Variants in RBFOX1 observed in about 807,000 individuals in gnomAD.
The protein encoded by RBFOX1 is RNA binding protein fox-1 homolog 1.
A neutral mutation model predicts 57.7 loss-of-function variants in RBFOX1; 8 were observed. The observed-to-expected ratio is 0.14, with a 90% CI of 0.08 to 0.25. The LOEUF (loss-of-function observed/expected upper bound fraction) is 0.25. Among genes scored for constraint, RBFOX1 ranks in the 10% least tolerant of loss-of-function variants. RBFOX1 has a pLI of 1.00. For synonymous variants in RBFOX1, 326 were observed against 222.4 expected (o/e 1.47, Z -4.15); for missense variants, 611 against 548.5 (o/e 1.11, Z -1.14).
At chr16:6,698,900 C>G (rs1482400523) in intron 3 of RBFOX1, among the ~76,000 whole-genome samples, 3 of 152,120 alleles carry the variant, frequency 2.0e-5, no homozygotes, top group Non-Finnish European at 4.4e-5. Flanking sequence ...TATTTTCCCC[C>G]TTATTCATAA....
chr16:7,055,247 C>A (rs1215496516), intron 4 of RBFOX1, among the ~76,000 whole-genome samples: 1 of 152,082 alleles, frequency 6.6e-6, no homozygotes, highest in Non-Finnish European at 1.5e-5. Flanking sequence ...GCTGACTACG[C>A]AACACTTTTG....
At chr16:6,251,071 C>G (rs1465615853) in intron 1 of RBFOX1, among the ~76,000 whole-genome samples, 1 of 152,132 alleles carries the variant, frequency 6.6e-6, no homozygotes, top group Non-Finnish European at 1.5e-5. Flanking sequence ...AGCAGTACCA[C>G]TTAATGAGAG....
intron 3 of RBFOX1, among the ~76,000 whole-genome samples, chr16:5,605,390 G>A (rs2047535934): frequency 6.6e-6 from 1 of 152,222 alleles, no homozygotes; most frequent in African/African-American, 2.4e-5. Flanking sequence ...GATGGGAGTG[G>A]AGGTTAGACC....
At chr16:7,384,091 C>T (rs545189144) in intron 4 of RBFOX1, among the ~76,000 whole-genome samples, 3 of 150,722 alleles carry the variant, frequency 2.0e-5, no homozygotes, top group East Asian at 2.0e-4. Context: ...TGAGAAACAT[C>T]AGTATAAATA....
chr16:7,216,506 C>T (rs1481133157), intron 4 of RBFOX1, among the ~76,000 whole-genome samples: 7 of 151,992 alleles, frequency 4.6e-5, no homozygotes, highest in Admixed American at 3.9e-4. Context: ...TTTTAAATAG[C>T]GTCTACTTCA....
chr16:6,675,309 T>TAG (rs2057445482), intron 3 of RBFOX1, among the ~76,000 whole-genome samples: 1 of 152,176 alleles, frequency 6.6e-6, no homozygotes, highest in Admixed American at 6.5e-5. Flanking sequence ...TGGCTTTAGG[T>TAG]ATGCCTAAAT....
intron 4 of RBFOX1, among the ~76,000 whole-genome samples, chr16:7,115,245 A>T (rs1372328597): frequency 6.6e-6 from 1 of 152,146 alleles, no homozygotes; most frequent in Non-Finnish European, 1.5e-5. Flanking sequence ...CATGTCAATG[A>T]ATCTTGATGG....
intron 3 of RBFOX1, among the ~76,000 whole-genome samples, chr16:6,745,308 A>G (rs2073313822): frequency 6.6e-6 from 1 of 152,124 alleles, no homozygotes; most frequent in Admixed American, 6.5e-5. Flanking sequence ...TGAGGCAACG[A>G]TTACTGTAAT....
intron 3 of RBFOX1, among the ~76,000 whole-genome samples, chr16:7,024,475 C>T (rs2040285498): frequency 6.6e-6 from 1 of 152,176 alleles, no homozygotes; most frequent in South Asian, 2.1e-4. Flanking sequence ...GCTTCTCTCT[C>T]ATGCACTTCT....
At chr16:5,741,955 G>A (rs1188427858) in intron 3 of RBFOX1, among the ~76,000 whole-genome samples, 3 of 152,192 alleles carry the variant, frequency 2.0e-5, no homozygotes, top group Non-Finnish European at 4.4e-5. Context: ...TCATGATAAT[G>A]CTATCATTGA....
At chr16:6,781,756 A>G (rs138065182) in intron 3 of RBFOX1, among the ~76,000 whole-genome samples, 4 of 152,180 alleles carry the variant, frequency 2.6e-5, no homozygotes, top group East Asian at 3.9e-4. Context: ...TTTCTGTGGT[A>G]TCTGTTTTAA....
intron 2 of RBFOX1, among the ~76,000 whole-genome samples, chr16:6,548,627 A>G (rs1412597024): frequency 6.6e-6 from 1 of 152,218 alleles, no homozygotes; most frequent in African/African-American, 2.4e-5. Flanking sequence ...GGAAAAAAGA[A>G]TTAAATTATA....
At chr16:5,473,868 G>A (rs2069226060) in intron 2 of RBFOX1, among the ~76,000 whole-genome samples, 1 of 135,294 alleles carries the variant, frequency 7.4e-6, no homozygotes, top group South Asian at 2.6e-4. Flanking sequence ...TAGATGGATG[G>A]AAAGACAGAT....
intron 2 of RBFOX1, among the ~76,000 whole-genome samples, chr16:6,570,552 C>G (rs2097331253): frequency 6.6e-6 from 1 of 151,904 alleles, no homozygotes; most frequent in Admixed American, 6.6e-5. Context: ...TACATGTATG[C>G]TTAATTGGAA....
At chr16:6,537,478 G>T (rs2096751169) in intron 2 of RBFOX1, among the ~76,000 whole-genome samples, 1 of 152,152 alleles carries the variant, frequency 6.6e-6, no homozygotes, top group Non-Finnish European at 1.5e-5. Context: ...TTATCTCCAT[G>T]ACAGAGTTGA....
chr16:7,402,391 A>G (rs1022470064), intron 4 of RBFOX1, among the ~76,000 whole-genome samples: 4 of 152,238 alleles, frequency 2.6e-5, no homozygotes, highest in African/African-American at 9.6e-5. Flanking sequence ...TTGTACTTCT[A>G]TACAAAGGAA....
Position 6,052,271 on chromosome 16 carries a change from C to G in RBFOX1, c.-127+32279C>G, listed in dbSNP as rs1166007557. On this transcript the variant is annotated intron_variant, in intron 1 of 15. Transcript: ENST00000550418. ...CTCTTCTTACTTCGTTCCTGCTGCT[C>G]CCATGCCTGATGTCCCTGTATTCCT... Among the ~76,000 whole-genome samples, 3 of 152,220 alleles carry G rather than the reference C, an allele frequency of 2.0e-5. No homozygotes were observed. In the East Asian group the frequency reaches 5.8e-4, roughly 29 times the overall value.
At chr16:6,934,823 TG>T in intron 3 of RBFOX1, among the ~76,000 whole-genome samples, 1 of 152,238 alleles carries the variant, frequency 6.6e-6, no homozygotes, top group African/African-American at 2.4e-5. Flanking sequence ...CGGTGGCTCC[TG>T]CAGGTAATCC....
intron 3 of RBFOX1, among the ~76,000 whole-genome samples, chr16:6,763,375 C>A (rs538390997): frequency 6.6e-6 from 1 of 152,304 alleles, no homozygotes; most frequent in East Asian, 1.9e-4. Context: ...GTTGGAGAGC[C>A]ATCCATTCCA....
Sources: gnomAD v4.1 joint callset for allele counts (sites outside exome capture counted in the v4.1 genomes callset) on GRCh38, gnomAD v4.1.1 for gene constraint, MANE v1.5 for transcripts, NCBI Gene and HGNC (gene_info 2026-07-23, HGNC 2026-07-21) for gene names.